Variants in SCN8A observed in about 807,000 individuals in gnomAD.
The protein encoded by SCN8A is sodium voltage-gated channel alpha subunit 8, also known as sodium channel protein type 8 subunit alpha.
In SCN8A, 30 loss-of-function variants were observed where a neutral mutation model predicts 184.1. The observed-to-expected ratio is 0.16, with a 90% CI of 0.12 to 0.22. The LOEUF (loss-of-function observed/expected upper bound fraction) is 0.22. SCN8A is among the 10% of genes least tolerant of loss of function. The probability of loss-of-function intolerance (pLI) is 1.00; values close to 1 mark genes in which losing one functional copy is unlikely to be tolerated. For missense variants in SCN8A, 1,057 were observed against 2,498.9 expected (o/e 0.42, Z 12.30); for synonymous variants, 852 against 907.0 (o/e 0.94, Z 1.09).
chr12:51,641,867 C>A (rs1940461993), intron 1 of SCN8A, among the ~76,000 whole-genome samples: 1 of 152,126 alleles, frequency 6.6e-6, no homozygotes, highest in Non-Finnish European at 1.5e-5. Context: ...AAACAAACCA[C>A]AACAGTCACA....
intron 1 of SCN8A, among the ~76,000 whole-genome samples, chr12:51,640,905 AT>A (rs980719913): frequency 3.3e-5 from 5 of 152,188 alleles, no homozygotes; most frequent in African/African-American, 1.2e-4. Flanking sequence ...TTCTGCTTTA[AT>A]TTTTCCTATA....
At chr12:51,805,359 G>A (rs752752681) in intron 26 of SCN8A, among the ~76,000 whole-genome samples, 14 of 151,966 alleles carry the variant, frequency 9.2e-5, no homozygotes, top group Non-Finnish European at 1.3e-4. Flanking sequence ...AGGGAGGATC[G>A]GATTGCTTGA....
At chr12:51,730,541 T>G (rs989214099) in intron 12 of SCN8A, among the ~76,000 whole-genome samples, 13 of 152,176 alleles carry the variant, frequency 8.5e-5, no homozygotes, top group African/African-American at 2.7e-4. Context: ...CCTTTGCATG[T>G]CCTTAGAAAA....
rs1555218674 is a variant in SCN8A at position 51,699,731 on chromosome 12, G to A, written c.868G>A (p.Glu290Lys). The change falls in exon 7 of 27, where the codon GAG becomes AAG. Residue 290 changes from glutamate (E) to lysine (K), a missense_variant. Around this residue, in one of 19 missense-constraint regions of SCN8A, gnomAD observed 26 missense variants for 44.4 expected, o/e 0.59. Transcript: ENST00000627620. ...TGTTGTGTGGCCCATAAACTTCAACGAGAGCTATCTTGAAAATGGCACCAA... is the reference window on the plus strand; with the variant it reads ...TGTTGTGTGGCCCATAAACTTCAACAAGAGCTATCTTGAAAATGGCACCAA... The part of the protein sequence containing the change: ...KCVVWPINFN[E>K]SYLENGTKGF... 6.2e-7 allele frequency: 1 copy of A among 1,613,888 alleles called. No individual in the cohort carries two copies. Among genetic ancestry groups the A allele is most frequent in the Non-Finnish European group, 8.5e-7 (1 of 1,179,850 alleles).
rs544651116 is a variant in SCN8A, at chr12:51,625,621, C to T, written c.-55+34262C>T. Among the ~76,000 whole-genome samples the T allele has an allele frequency of 1.2e-4, 19 of 152,260 alleles. No homozygotes were observed. In the South Asian group the frequency reaches 3.9e-3, roughly 32 times the overall value. ...CGGTATTAGAGTTTAATCACCCCTC[C>T]CCCTCTTTTGTTTTTTTGGACAGAG... On this transcript the variant is annotated intron_variant, in intron 1 of 26. Transcript: ENST00000627620.
At chr12:51,604,779 T>A (rs1289969195) in intron 1 of SCN8A, among the ~76,000 whole-genome samples, 4 of 152,112 alleles carry the variant, frequency 2.6e-5, no homozygotes, top group African/African-American at 9.7e-5. Flanking sequence ...GGTGATCCGC[T>A]GCCTTGGCCT....
chr12:51,713,416 C>A, intron 11 of SCN8A: 1 of 841,914 alleles, frequency 1.2e-6, no homozygotes, highest in Non-Finnish European at 2.1e-6. Flanking sequence ...CATTACCACA[C>A]AATCTGTGAG....
At chr12:51,593,659 T>C (rs986636999) in intron 1 of SCN8A, among the ~76,000 whole-genome samples, 2 of 152,180 alleles carry the variant, frequency 1.3e-5, no homozygotes, top group African/African-American at 2.4e-5. Flanking sequence ...TGCGGCGAAG[T>C]GCACACACAC....
intron 1 of SCN8A, among the ~76,000 whole-genome samples, chr12:51,616,989 T>C (rs1182872923): frequency 6.6e-6 from 1 of 152,200 alleles, no homozygotes; most frequent in Non-Finnish European, 1.5e-5. Flanking sequence ...TTCAAATTAT[T>C]GTTTCCCTAT....
chr12:51,769,933 C>T lies in SCN8A; in HGVS notation c.3438C>T (p.Val1146=), dbSNP rs1303127159. The change falls in exon 18 of 27, where the codon GTC becomes GTT. Residue 1146 remains valine (V), a synonymous_variant. Transcript: ENST00000627620. ...ATATCAAACCAGAAGTAGAAGAGGTCCCTGTGGAACAGCCTGAGGAATACT... is the reference window on the plus strand; with the variant it reads ...ATATCAAACCAGAAGTAGAAGAGGTTCCTGTGGAACAGCCTGAGGAATACT... ...TIDIKPEVEE[V]PVEQPEEYLD... is the part of the protein sequence containing the mutation. The T allele has an allele frequency of 2.5e-6, 4 of 1,607,908 alleles. No homozygotes were observed. Among genetic ancestry groups the T allele is most frequent in the Non-Finnish European group, 2.5e-6 (3 of 1,177,360 alleles).
chr12:51,635,002 T>C (rs1215106859), intron 1 of SCN8A, among the ~76,000 whole-genome samples: 2 of 152,202 alleles, frequency 1.3e-5, no homozygotes, highest in Non-Finnish European at 2.9e-5. Context: ...TGTAAAATCA[T>C]GTGATGACAA....
rs1313428687 is a variant in SCN8A at position 51,808,942 on chromosome 12, G to C, written c.*1513G>C. On this transcript the variant is annotated 3_prime_UTR_variant, in exon 27 of 27. Transcript: ENST00000627620. Reference sequence around the variant, plus strand: ...TCTTTCACTTATTATTAGAATAATAGTCACTGGTGAGACCTGAGGTAGAGA... The same window carrying C: ...TCTTTCACTTATTATTAGAATAATACTCACTGGTGAGACCTGAGGTAGAGA... The C allele has an allele frequency of 6.6e-6, 1 of 152,196 alleles. No individual in the cohort carries two copies. Among genetic ancestry groups the C allele is most frequent in the Non-Finnish European group, 1.5e-5 (1 of 68,054 alleles). The allele number at this position is 152,196 out of a possible 1,614,324, so 9.4% of individuals were successfully genotyped here.
intron 11 of SCN8A, among the ~76,000 whole-genome samples, chr12:51,719,893 G>A (rs1457896655): frequency 1.3e-5 from 2 of 151,900 alleles, no homozygotes; most frequent in African/African-American, 2.4e-5. Flanking sequence ...TGGCTAACAC[G>A]GTGAAACCCC....
chr12:51,649,634 C>G (rs537510362), intron 1 of SCN8A, among the ~76,000 whole-genome samples: 1 of 152,232 alleles, frequency 6.6e-6, no homozygotes, highest in Non-Finnish European at 1.5e-5. Context: ...ATTGGCCCCT[C>G]TCAGCCACAG....
intron 12 of SCN8A, among the ~76,000 whole-genome samples, chr12:51,731,137 C>T (rs1942234278): frequency 6.6e-6 from 1 of 152,184 alleles, no homozygotes; most frequent in Non-Finnish European, 1.5e-5. Flanking sequence ...TAGGTTGCTT[C>T]CAAATCTTGG....
At chr12:51,704,670 CAAAAAA>C (rs34946747) in intron 9 of SCN8A, among the ~76,000 whole-genome samples, 1 of 93,112 alleles carries the variant, frequency 1.1e-5, no homozygotes, top group African/African-American at 4.8e-5. Flanking sequence ...ACTCCACCTA[CAAAAAA>C]AAAAAAAAAA....
In SCN8A at chr12:51,725,878, T is replaced by C. The variant is rs549509184; in HGVS notation, c.1998+3970T>C. On this transcript the variant is annotated intron_variant, in intron 12 of 26. Transcript: ENST00000627620. ...GATTGTTACTAGCAAACATTTTGGATGCATCCACAGCCAAGGATTAACCTG... is the reference window on the plus strand; with the variant it reads ...GATTGTTACTAGCAAACATTTTGGACGCATCCACAGCCAAGGATTAACCTG... 2.1e-4 allele frequency among the ~76,000 whole-genome samples: 32 copies of C among 152,360 alleles called. 7 individuals carry two copies. Among genetic ancestry groups the C allele is most frequent in the African/African-American group, 7.7e-4 (32 of 41,586 alleles).
At chr12:51,734,965 A>T (rs920600528) in intron 12 of SCN8A, among the ~76,000 whole-genome samples, 1 of 152,218 alleles carries the variant, frequency 6.6e-6, no homozygotes, top group Non-Finnish European at 1.5e-5. Flanking sequence ...TGTGCCTGGG[A>T]TGCTTTAAAT....
chr12:51,780,615 T>G, intron 20 of SCN8A, 34 bp from the exon 21 acceptor site: 2 of 869,348 alleles, frequency 2.3e-6, no homozygotes, highest in Non-Finnish European at 3.2e-6. Flanking sequence ...GGTTACCTTT[T>G]TTGTTTTTGT....
Sources: allele counts gnomAD v4.1 joint callset (sites outside exome capture counted in the v4.1 genomes callset), GRCh38; gene constraint gnomAD v4.1.1; regional missense constraint gnomAD v4.1.1; transcripts MANE v1.5; gene names NCBI Gene and HGNC (gene_info 2026-07-23, HGNC 2026-07-21).